The following CFAP47 variants were observed in gnomAD, a reference collection of about 807,000 sequenced individuals.
CFAP47 encodes cilia- and flagella-associated protein 47.
In CFAP47, 29 loss-of-function variants were observed where a neutral mutation model predicts 148.1. That is an observed-to-expected ratio of 0.20 (90% CI 0.15 to 0.27). CFAP47 has a LOEUF of 0.27. Among genes scored for constraint, CFAP47 ranks in the 10% least tolerant of loss-of-function variants. The pLI, the probability that CFAP47 is intolerant of heterozygous loss-of-function variation, is 1.00. For missense variants in CFAP47, 1,872 were observed against 1,697.5 expected (o/e 1.10, Z -1.81); for synonymous variants, 664 against 577.3 (o/e 1.15, Z -2.15).
At chrX:35,959,032 G>A (rs1211811543) in intron 8 of CFAP47, among the ~76,000 whole-genome samples, 1 of 111,857 alleles carries the variant, frequency 8.9e-6, no homozygotes, top group African/African-American at 3.2e-5. Context: ...ATCTGGAAAA[G>A]GCAAGAAAGC....
intron 46 of CFAP47, among the ~76,000 whole-genome samples, chrX:36,232,313 G>T (rs1369106892): frequency 9.0e-6 from 1 of 111,697 alleles, no homozygotes; most frequent in Admixed American, 9.5e-5. Context: ...TCTATTCAGG[G>T]ATTCAACTTC....
chrX:36,330,236 A>G (rs1275478188), intron 57 of CFAP47, among the ~76,000 whole-genome samples: 3 of 80,487 alleles, frequency 3.7e-5, no homozygotes, highest in African/African-American at 1.5e-4. Context: ...TGATTGCTGC[A>G]TTAATACTGA....
At chrX:35,958,118 A>G (rs771320632) in intron 8 of CFAP47, among the ~76,000 whole-genome samples, 55 of 111,694 alleles carry the variant, frequency 4.9e-4, no homozygotes, top group African/African-American at 1.7e-3. Flanking sequence ...GTCATTTTCT[A>G]TAAATATTAT....
chrX:36,274,036 G>A (rs187515548), intron 49 of CFAP47, among the ~76,000 whole-genome samples: 6 of 111,689 alleles, frequency 5.4e-5, no homozygotes, highest in Non-Finnish European at 1.1e-4. Context: ...TGCTTCTGTA[G>A]TTCTCTTCAC....
At chrX:35,966,513 A>T in intron 8 of CFAP47, 52 bp from the exon 9 acceptor site, 1 of 853,193 alleles carries the variant, frequency 1.2e-6, no homozygotes, top group Non-Finnish European at 1.5e-6. Context: ...ATTTGCTGTT[A>T]ACTTTTTTTC....
intron 42 of CFAP47, among the ~76,000 whole-genome samples, chrX:36,190,862 G>C (rs991080862): frequency 3.6e-5 from 4 of 111,358 alleles, no homozygotes; most frequent in South Asian, 3.8e-4. Flanking sequence ...CCTGCTTCCA[G>C]AGAGACACTG....
chrX:35,963,087 A>G (rs1160578235), intron 8 of CFAP47, among the ~76,000 whole-genome samples: 1 of 110,370 alleles, frequency 9.1e-6, no homozygotes, highest in African/African-American at 3.3e-5. Context: ...CAGAAAGACA[A>G]ATACTGCATG....
chrX:36,324,978 C>G (rs1485745004), intron 57 of CFAP47, among the ~76,000 whole-genome samples: 1 of 111,324 alleles, frequency 9.0e-6, no homozygotes, highest in Non-Finnish European at 1.9e-5. Flanking sequence ...ACAGTTACAT[C>G]TATATCTAGA....
rs782049632 is a variant in CFAP47 at position 36,204,273 on chromosome X, T to C, written c.6664-684T>C. ...AGTTTCATTAGATCCCATTTGTCAATTTTGGCTTTTGTTGCCATTGCTTGG... is the reference window on the plus strand; with the variant it reads ...AGTTTCATTAGATCCCATTTGTCAACTTTGGCTTTTGTTGCCATTGCTTGG... On this transcript the variant is annotated intron_variant, in intron 44 of 63. Coordinates refer to ENST00000378653, the MANE Select transcript of CFAP47 (RefSeq NM_001304548.2). Among the ~76,000 whole-genome samples, 4 of 111,584 alleles carry C rather than the reference T, an allele frequency of 3.6e-5. No individual in the cohort carries two copies. The South Asian group carries it at 1.5e-3, about 42-fold the overall frequency.
At chrX:36,329,186 A>G (rs1056848993) in intron 57 of CFAP47, among the ~76,000 whole-genome samples, 3 of 111,706 alleles carry the variant, frequency 2.7e-5, no homozygotes, top group Non-Finnish European at 5.6e-5. Flanking sequence ...CGATCCTATG[A>G]TAAAGATTAT....
At chrX:36,305,770 T>C (rs1452857337) in intron 54 of CFAP47, among the ~76,000 whole-genome samples, 11 of 111,827 alleles carry the variant, frequency 9.8e-5, no homozygotes, top group Non-Finnish European at 1.5e-4. Flanking sequence ...CTTATTATTT[T>C]TGCTAAGTCT....
chrX:36,026,086 C>A (rs1488139899), intron 22 of CFAP47, among the ~76,000 whole-genome samples: 1 of 111,389 alleles, frequency 9.0e-6, no homozygotes, highest in Non-Finnish European at 1.9e-5. Context: ...TTTGTCCTTC[C>A]ACAAAAATTT....
chrX:35,923,603 C>T (rs941102394), intron 1 of CFAP47, among the ~76,000 whole-genome samples: 1 of 109,839 alleles, frequency 9.1e-6, no homozygotes, highest in African/African-American at 3.3e-5. Flanking sequence ...GGGCAGATCA[C>T]GAGTTCAAGA....
chrX:35,989,227 A>T (rs952626400), intron 15 of CFAP47, 92 bp from the exon 16 acceptor site: 1 of 694,774 alleles, frequency 1.4e-6, no homozygotes, highest in Non-Finnish European at 2.1e-6. Context: ...ATGCAATCAC[A>T]TTTTTACCTT....
chrX:36,188,293 G>A (rs890236177), intron 40 of CFAP47, among the ~76,000 whole-genome samples: 4 of 111,500 alleles, frequency 3.6e-5, no homozygotes, highest in Non-Finnish European at 7.5e-5. Flanking sequence ...TCCACGTTTT[G>A]AGTCTTTGGA....
At chrX:36,161,264 T>C (rs1939427178) in intron 39 of CFAP47, among the ~76,000 whole-genome samples, 1 of 111,678 alleles carries the variant, frequency 9.0e-6, no homozygotes, top group East Asian at 2.8e-4. Context: ...AGTAAATCAG[T>C]TTTCCTGAAA....
In CFAP47 at chrX:36,233,253, T is replaced by A. The variant is rs782051506; in HGVS notation, c.7015-2681T>A. Among the ~76,000 whole-genome samples, 6 of 111,385 alleles carry A rather than the reference T, an allele frequency of 5.4e-5. No homozygotes were observed. In the South Asian group the frequency reaches 2.3e-3, roughly 43 times the overall value. On this transcript the variant is annotated intron_variant, in intron 46 of 63. Coordinates refer to ENST00000378653, the MANE Select transcript of CFAP47 (RefSeq NM_001304548.2). ...CATTATTATTGTGTGGGAGTCTAAT[T>A]CTCTTTGTAGGTCACTCAGGACTGG...
chrX:36,241,687 G>T (rs1940546665), intron 48 of CFAP47, among the ~76,000 whole-genome samples: 1 of 111,745 alleles, frequency 8.9e-6, no homozygotes, highest in African/African-American at 3.3e-5. Context: ...CAGCACTCAA[G>T]TTGAAGAGGA....
At chrX:35,955,548 C>G (rs1015204957) in intron 7 of CFAP47, among the ~76,000 whole-genome samples, 4 of 111,605 alleles carry the variant, frequency 3.6e-5, no homozygotes, top group Non-Finnish European at 5.6e-5. Flanking sequence ...TTTTTCCAGA[C>G]TCCCTTTATA....
Sources: gnomAD v4.1 joint callset for allele counts (sites outside exome capture counted in the v4.1 genomes callset) on GRCh38, gnomAD v4.1.1 for gene constraint, MANE v1.5 for transcripts, NCBI Gene and HGNC (gene_info 2026-07-23, HGNC 2026-07-21) for gene names.